The following ADAMTS16 variants were observed in gnomAD, a reference collection of about 807,000 sequenced individuals.
ADAMTS16 encodes ADAM metallopeptidase with thrombospondin type 1 motif 16, also known as A disintegrin and metalloproteinase with thrombospondin motifs 16.
ADAMTS16 carries 94 observed loss-of-function variants against 145.8 expected under a neutral mutation model. The ratio of observed to expected loss-of-function variants is 0.64; its 90% CI spans 0.55 to 0.77. ADAMTS16 has a LOEUF of 0.77. Among genes scored for constraint, ADAMTS16 ranks in the 30% least tolerant of loss-of-function variants. The pLI, the probability that ADAMTS16 is intolerant of heterozygous loss-of-function variation, is 0.00. For synonymous variants in ADAMTS16, 659 were observed against 604.3 expected, an observed-to-expected ratio of 1.09 and a Z score of -1.33; for missense variants, 1,585 against 1,591.5, an observed-to-expected ratio of 1.00 and a Z score of 0.07.
intron 16 of ADAMTS16, among the ~76,000 whole-genome samples, chr5:5,240,889 C>T (rs1262053369): frequency 3.3e-5 from 5 of 152,122 alleles, no homozygotes; most frequent in African/African-American, 1.2e-4. Flanking sequence ...TCCTTGATCA[C>T]GTCTCCCACC....
At chr5:5,235,598 A>G (rs979179804) in intron 13 of ADAMTS16, among the ~76,000 whole-genome samples, 1 of 152,240 alleles carries the variant, frequency 6.6e-6, no homozygotes, top group African/African-American at 2.4e-5. Context: ...TATATTTTAG[A>G]AAATGGAACA....
chr5:5,142,548 G>A (rs1414351240), intron 2 of ADAMTS16, among the ~76,000 whole-genome samples: 2 of 152,224 alleles, frequency 1.3e-5, no homozygotes, highest in Non-Finnish European at 2.9e-5. Flanking sequence ...CCTCAACAGT[G>A]TTGCCTGTTT....
intron 20 of ADAMTS16, among the ~76,000 whole-genome samples, chr5:5,303,977 G>A (rs1356049394): frequency 6.6e-6 from 1 of 152,158 alleles, no homozygotes; most frequent in Non-Finnish European, 1.5e-5. Context: ...TCACACAGTG[G>A]CGTCCACGTC....
At chr5:5,150,445 G>A (rs898756572) in intron 3 of ADAMTS16, among the ~76,000 whole-genome samples, 13 of 152,222 alleles carry the variant, frequency 8.5e-5, no homozygotes, top group African/African-American at 2.4e-4. Flanking sequence ...GGTGCACAAG[G>A]CTCAATACAG....
At chr5:5,251,848 A>G (rs1737632548) in intron 17 of ADAMTS16, among the ~76,000 whole-genome samples, 1 of 151,960 alleles carries the variant, frequency 6.6e-6, no homozygotes, top group Non-Finnish European at 1.5e-5. Context: ...GGGGCCAAGT[A>G]CTCGGTGCTT....
chr5:5,312,693 G>A (rs1336377560), intron 21 of ADAMTS16, among the ~76,000 whole-genome samples: 1 of 152,196 alleles, frequency 6.6e-6, no homozygotes, highest in African/African-American at 2.4e-5. Flanking sequence ...GGTTCGAGAA[G>A]TGGATTCGCC....
At chr5:5,208,340 G>C (rs775719771) in intron 9 of ADAMTS16, among the ~76,000 whole-genome samples, 1 of 152,138 alleles carries the variant, frequency 6.6e-6, no homozygotes, top group East Asian at 1.9e-4. Context: ...TCAGGGAAGG[G>C]CCTATTGAAA....
intron 9 of ADAMTS16, among the ~76,000 whole-genome samples, chr5:5,206,610 G>T (rs1736129868): frequency 6.6e-6 from 1 of 151,346 alleles, no homozygotes; most frequent in South Asian, 2.1e-4. Flanking sequence ...CTCCTGAGTA[G>T]CTGGGATTAC....
At position 5,304,989 on chromosome 5, in the gene ADAMTS16, CCACA is replaced by C. The variant is rs201782122; in HGVS notation, c.3186+1236_3186+1239del. 9.8e-4 allele frequency among the ~76,000 whole-genome samples: 56 copies of C among 57,330 alleles called. 1 individual carries two copies. Among genetic ancestry groups the C allele is most frequent in the African/African-American group, 3.1e-3 (50 of 16,174 alleles). 37.6% of individuals were successfully genotyped at this position (57,330 alleles called of 152,430 possible). Reference sequence around the variant, plus strand: ...CACACACACACACACACATCCTACACCACACACACACACACATCCCACACCACAC... The same window carrying C: ...CACACACACACACACACATCCTACACCACACACACACATCCCACACCACAC... On this transcript the variant is annotated intron_variant, in intron 20 of 22. Coordinates refer to ENST00000274181, the MANE Select transcript of ADAMTS16 (RefSeq NM_139056.4).
chr5:5,196,767 G>A (rs953700670), intron 8 of ADAMTS16, among the ~76,000 whole-genome samples: 15 of 152,326 alleles, frequency 9.8e-5, no homozygotes, highest in South Asian at 2.1e-4. Context: ...CCTTTCTGAT[G>A]TGCACAGTCC....
At chr5:5,141,803 T>C (rs1221900179) in intron 2 of ADAMTS16, among the ~76,000 whole-genome samples, 1 of 152,190 alleles carries the variant, frequency 6.6e-6, no homozygotes, top group African/African-American at 2.4e-5. Flanking sequence ...ACAAATAGTA[T>C]ATAAGGTGAC....
intron 17 of ADAMTS16, among the ~76,000 whole-genome samples, chr5:5,243,775 G>A (rs1737362642): frequency 6.6e-6 from 1 of 152,188 alleles, no homozygotes; most frequent in African/African-American, 2.4e-5. Context: ...ATTCACTGGT[G>A]TCTTTCCTTT....
chr5:5,146,298 C>G lies in ADAMTS16; in HGVS notation c.344C>G (p.Ser115Cys), dbSNP rs748100080. Residue 115 changes from serine to cysteine, a missense_variant, in exon 3 of 23, where the codon TCC (serine) becomes TGC (cysteine). Coordinates refer to ENST00000274181, the MANE Select transcript of ADAMTS16 (RefSeq NM_139056.4). ...GACTTCCACATGGATCTGAGGACTTCCAGCAGCCTAGTGGCTCCTGGCTTT... is the reference window on the plus strand; with the variant it reads ...GACTTCCACATGGATCTGAGGACTTGCAGCAGCCTAGTGGCTCCTGGCTTT... ...RHDFHMDLRT[S>C]SSLVAPGFIV... 1.2e-6 allele frequency: 2 copies of G among 1,614,158 alleles called. No individual in the cohort carries two copies. The highest frequency in any genetic ancestry group is 3.3e-5 in the Admixed American group (2 of 60,022).
chr5:5,222,899 G>A lies in ADAMTS16; in HGVS notation c.1701+15G>A. ...GGCATGACATGGTAAGAAGCTAACT[G>A]TAGGTACAGCATCGTATTCAGATGC... On this transcript the variant is annotated intron_variant, in intron 11 of 22. Transcript: ENST00000274181. 1 of 1,610,960 alleles carries A rather than the reference G, an allele frequency of 6.2e-7. No homozygotes were observed. Among genetic ancestry groups the A allele is most frequent in the Non-Finnish European group, 8.5e-7 (1 of 1,177,172 alleles).
At chr5:5,162,541 T>C (rs1257885737) in intron 3 of ADAMTS16, among the ~76,000 whole-genome samples, 1 of 152,192 alleles carries the variant, frequency 6.6e-6, no homozygotes, top group East Asian at 1.9e-4. Context: ...AACTTAGATG[T>C]ACAAAGTCTG....
chr5:5,311,524 C>A (rs1190074560), intron 21 of ADAMTS16, among the ~76,000 whole-genome samples: 1 of 148,154 alleles, frequency 6.7e-6, no homozygotes, highest in Admixed American at 6.8e-5. Context: ...TGTGAGACGG[C>A]GTTGCTGTGT....
intron 18 of ADAMTS16, among the ~76,000 whole-genome samples, chr5:5,299,824 A>G (rs556305626): frequency 1.5e-3 from 222 of 152,320 alleles, no homozygotes; most frequent in African/African-American, 5.1e-3. Context: ...ACTTAGGAAA[A>G]CCAAAACAAA....
chr5:5,252,334 G>C (rs1737654351), intron 17 of ADAMTS16, among the ~76,000 whole-genome samples: 1 of 115,782 alleles, frequency 8.6e-6, no homozygotes, highest in African/African-American at 3.3e-5. Context: ...AAGTCACAAT[G>C]AGAAAATGAT....
Position 5,306,647 on chromosome 5 carries a change from C to T in ADAMTS16, c.3330C>T (p.Ala1110=). The T allele has an allele frequency of 2.5e-6, 4 of 1,614,160 alleles. No homozygotes were observed. The South Asian group carries it at 4.4e-5, about 18-fold the overall frequency. Residue 1110 remains alanine (A), a synonymous_variant, in exon 21 of 23, where the codon GCC becomes GCT. Transcript: ENST00000274181. ...KPSLELERAC[A]PLPCPRHPPF... ...GCCTGGAGCTGGAACGTGCCTGCGC[C>T]CCGCTTCCATGCCCCAGGCACCCCC...
Sources: gnomAD v4.1 joint callset for allele counts (sites outside exome capture counted in the v4.1 genomes callset) on GRCh38, gnomAD v4.1.1 for gene constraint, MANE v1.5 for transcripts, NCBI Gene and HGNC (gene_info 2026-07-23, HGNC 2026-07-21) for gene names.